ZFAT: variants seen among roughly 807,000 people sequenced by gnomAD.
ZFAT encodes the protein zinc finger and AT-hook domain containing.
ZFAT carries 64 observed loss-of-function variants against 117.7 expected under a neutral mutation model. The ratio of observed to expected loss-of-function variants is 0.54; its 90% CI spans 0.44 to 0.67. ZFAT has a LOEUF of 0.67. Among genes scored for constraint, ZFAT ranks in the 30% least tolerant of loss-of-function variants. The probability of loss-of-function intolerance (pLI) is 0.00; values close to 1 mark genes in which losing one functional copy is unlikely to be tolerated. For missense variants in ZFAT, 1,433 were observed against 1,584.5 expected, an observed-to-expected ratio of 0.90 and a Z score of 1.62; for synonymous variants, 679 against 615.0, an observed-to-expected ratio of 1.10 and a Z score of -1.54.
intron 1 of ZFAT, chr8:134,673,529 T>C (rs1832655716): frequency 4.9e-6 from 1 of 203,926 alleles, no homozygotes; most frequent in Admixed American, 4.6e-5. Context: ...CTTATTCTTG[T>C]ACTTTTCTTT....
intron 15 of ZFAT, among the ~76,000 whole-genome samples, chr8:134,487,820 C>A (rs780748357): frequency 2.0e-5 from 3 of 152,250 alleles, no homozygotes; most frequent in Non-Finnish European, 4.4e-5. Flanking sequence ...TGGATCCCAG[C>A]TAGCACTTCA....
intron 15 of ZFAT, among the ~76,000 whole-genome samples, chr8:134,488,575 T>A (rs886901128): frequency 3.3e-5 from 5 of 152,228 alleles, no homozygotes; most frequent in Admixed American, 2.0e-4. Flanking sequence ...CCACATATAC[T>A]TCAGACAACT....
At chr8:134,592,992 A>T (rs1056039872) in intron 7 of ZFAT, among the ~76,000 whole-genome samples, 1 of 152,204 alleles carries the variant, frequency 6.6e-6, no homozygotes, top group African/African-American at 2.4e-5. Flanking sequence ...TGGCCAGGCA[A>T]TGCCACAGAT....
intron 1 of ZFAT, among the ~76,000 whole-genome samples, chr8:134,709,938 C>T (rs181285698): frequency 1.3e-5 from 2 of 152,316 alleles, no homozygotes; most frequent in East Asian, 1.9e-4. Flanking sequence ...ACTCCACCTC[C>T]TTATCATTCA....
the ZFAT span, among the ~76,000 whole-genome samples, chr8:134,730,085 C>A: frequency 6.6e-6 from 1 of 152,152 alleles, no homozygotes; most frequent in Non-Finnish European, 1.5e-5. Flanking sequence ...TTGGTTGTTA[C>A]GCGCTGCTCC....
chr8:134,802,914 G>A, the ZFAT span, among the ~76,000 whole-genome samples: 1 of 152,176 alleles, frequency 6.6e-6, no homozygotes, highest in Non-Finnish European at 1.5e-5. Flanking sequence ...TGGGAAGTTA[G>A]TGGTTCTTCA....
chr8:134,556,838 C>T (rs1312592342), intron 11 of ZFAT, among the ~76,000 whole-genome samples: 1 of 152,036 alleles, frequency 6.6e-6, no homozygotes, highest in Non-Finnish European at 1.5e-5. Context: ...AAGCCCAGAT[C>T]TGCGGGGAGA....
the ZFAT span, among the ~76,000 whole-genome samples, chr8:134,734,301 G>A: frequency 4.9e-4 from 74 of 152,234 alleles, no homozygotes; most frequent in Non-Finnish European, 8.7e-4. Context: ...CTGTCGCTTC[G>A]GGCTGCTCCC....
Position 134,478,635 on chromosome 8 carries a change from G to A in ZFAT, c.3579C>T (p.His1193=). 1.3e-6 allele frequency: 2 copies of A among 1,584,526 alleles called. No individual in the cohort carries two copies. Among genetic ancestry groups the A allele is most frequent in the Non-Finnish European group, 1.7e-6 (2 of 1,165,882 alleles). Residue 1193 remains histidine (H), a synonymous_variant, in exon 16 of 16, where the codon CAC becomes CAT. Transcript: ENST00000377838. This position sits in a 1 kb window ranked among gnomAD's most constrained non-coding sequence, Gnocchi z 5.2. ...CGTCGTCGGAGGACACCACCAGGTG[G>A]TGCTGCTCGGCAAGCTCCACGGACG... ...QQASVELAEQ[H]HLVVSSDDVE... is the part of the protein sequence containing the mutation.
chr8:134,588,561 C>T (rs562129385), intron 8 of ZFAT, among the ~76,000 whole-genome samples, 166 bp from the exon 9 acceptor site: 39 of 152,290 alleles, frequency 2.6e-4, no homozygotes, highest in African/African-American at 9.1e-4. Context: ...CAAATCGAGT[C>T]TCAGATCTCA....
chr8:134,786,627 G>A, the ZFAT span, among the ~76,000 whole-genome samples: 4 of 152,114 alleles, frequency 2.6e-5, no homozygotes, highest in African/African-American at 9.7e-5. Context: ...TGGTCACAAT[G>A]AATGTATTTT....
the ZFAT span, among the ~76,000 whole-genome samples, chr8:134,724,860 G>A: frequency 6.6e-6 from 1 of 152,122 alleles, no homozygotes; most frequent in Admixed American, 6.5e-5. Flanking sequence ...CCCAGTTAAA[G>A]CGCTTCTCCC....
chr8:134,734,869 G>A, the ZFAT span, among the ~76,000 whole-genome samples: 2 of 152,184 alleles, frequency 1.3e-5, no homozygotes, highest in East Asian at 3.8e-4. Context: ...AATAGTGGAA[G>A]GGCAGTGTAA....
chr8:134,567,979 G>A (rs755478801), intron 10 of ZFAT, among the ~76,000 whole-genome samples: 4 of 152,172 alleles, frequency 2.6e-5, no homozygotes, highest in Non-Finnish European at 2.9e-5. Flanking sequence ...CACCTCTACC[G>A]CCTTGTACAA....
At chr8:134,683,926 GAAAAA>G (rs1003259126) in intron 1 of ZFAT, among the ~76,000 whole-genome samples, 1 of 151,656 alleles carries the variant, frequency 6.6e-6, no homozygotes, top group Non-Finnish European at 1.5e-5. Context: ...TTCTGGGAAA[GAAAAA>G]AAAGAAAAGA....
At chr8:134,599,651 G>A (rs1289842434) in intron 7 of ZFAT, 2 of 405,460 alleles carry the variant, frequency 4.9e-6, no homozygotes, top group East Asian at 7.2e-5. Context: ...AGGAAACCAT[G>A]GTAGCACATC....
chr8:134,802,088 A>C, the ZFAT span, among the ~76,000 whole-genome samples: 1 of 152,208 alleles, frequency 6.6e-6, no homozygotes, highest in South Asian at 2.1e-4. Flanking sequence ...AACCTGTTGG[A>C]AAGCTAAAGC....
chr8:134,601,101 T>C (rs532082546), intron 6 of ZFAT, among the ~76,000 whole-genome samples: 63 of 152,342 alleles, frequency 4.1e-4, no homozygotes, highest in African/African-American at 1.5e-3. Flanking sequence ...GGGACCTCCC[T>C]ACAGAGAGCT....
intron 15 of ZFAT, among the ~76,000 whole-genome samples, chr8:134,494,970 C>A (rs188335502): frequency 1.7e-4 from 26 of 152,322 alleles, no homozygotes; most frequent in African/African-American, 6.3e-4. Flanking sequence ...ACATGACCCA[C>A]GTACTTCTCT....
Sources: gnomAD v4.1 joint callset for allele counts (sites outside exome capture counted in the v4.1 genomes callset) on GRCh38, gnomAD v4.1.1 for gene constraint, Gnocchi (gnomAD v3.1) non-coding constraint, MANE v1.5 for transcripts, NCBI Gene and HGNC (gene_info 2026-07-23, HGNC 2026-07-21) for gene names.